FKTN: variants seen among roughly 807,000 people sequenced by gnomAD.
FKTN encodes ribitol-5-phosphate transferase FKTN.
In FKTN, 47 loss-of-function variants were observed where a neutral mutation model predicts 58.6. The ratio of observed to expected loss-of-function variants is 0.80; its 90% CI spans 0.63 to 1.02. FKTN has a LOEUF of 1.02. Among genes scored for constraint, FKTN ranks in the 50% least tolerant of loss-of-function variants. FKTN has a pLI of 0.00. For synonymous variants in FKTN, 178 were observed against 191.9 expected (o/e 0.93, Z 0.60); for missense variants, 516 against 537.3 (o/e 0.96, Z 0.39).
chr9:105,601,094 A>C (rs778182460), intron 4 of FKTN, 51 bp from the exon 5 acceptor site: 1 of 979,396 alleles, frequency 1.0e-6, no homozygotes, highest in Non-Finnish European at 1.6e-6. Flanking sequence ...TATAAAATAG[A>C]CTGTTGTGTT....
intron 6 of FKTN, among the ~76,000 whole-genome samples, chr9:105,605,278 A>G (rs948728170): frequency 6.6e-6 from 1 of 152,160 alleles, no homozygotes; most frequent in Non-Finnish European, 1.5e-5. Context: ...ATGGATTATA[A>G]GACAGTATAT....
intron 7 of FKTN, among the ~76,000 whole-genome samples, chr9:105,614,884 C>CT (rs35592716): frequency 0.14 from 19,702 of 144,578 alleles, 1,491 homozygotes; most frequent in Admixed American, 0.23. Context: ...TCCTTTCTTT[C>CT]TTTTTTTTTT....
At position 105,587,043 on chromosome 9, in the gene FKTN, G is replaced by T. The variant is rs564650756; in HGVS notation, c.106-9555G>T. On this transcript the variant is annotated intron_variant, in intron 3 of 10. Transcript: ENST00000357998. ...GAGTGATAAGATATGAAATGAGATG[G>T]CTTTAAGGAATGCCGTAGCACAACA... 7.2e-5 allele frequency among the ~76,000 whole-genome samples: 11 copies of T among 152,286 alleles called. No individual in the cohort carries two copies. In the East Asian group the frequency reaches 1.5e-3, roughly 21 times the overall value.
intron 1 of FKTN, among the ~76,000 whole-genome samples, chr9:105,570,519 G>A (rs1024269506): frequency 6.6e-6 from 1 of 152,158 alleles, no homozygotes; most frequent in African/African-American, 2.4e-5. Flanking sequence ...GGGGTGGTAA[G>A]GAATGGGGCT....
intron 3 of FKTN, among the ~76,000 whole-genome samples, chr9:105,575,845 G>A (rs1213372797): frequency 2.0e-5 from 3 of 152,140 alleles, no homozygotes; most frequent in African/African-American, 7.2e-5. Context: ...TCCTCAACTA[G>A]AATGGAGTAT....
At position 105,619,954 on chromosome 9, in the gene FKTN, A is replaced by G. The variant is rs751317602; in HGVS notation, c.1065A>G (p.Leu355=). The G allele has an allele frequency of 1.9e-6, 3 of 1,612,364 alleles. No homozygotes were observed. The highest frequency in any genetic ancestry group is 1.3e-5 in the African/African-American group (1 of 74,898). The change falls in exon 10 of 11, where the codon CTA becomes CTG. Residue 355 remains leucine, a synonymous_variant. Transcript: ENST00000357998. ...KFGKVEDSLE[L]SFQGKDDVKL... ...CATAGGTAGAAGACAGCTTGGAACT[A>G]TCCTTCCAGGGAAAAGATGATGTAA... is the stretch of plus-strand genomic sequence containing the variant.
chr9:105,590,919 G>A (rs534550573), intron 3 of FKTN, among the ~76,000 whole-genome samples: 5 of 152,222 alleles, frequency 3.3e-5, no homozygotes, highest in Admixed American at 2.6e-4. Context: ...AGCAGGTGAA[G>A]GGGGAGCCCG....
At chr9:105,589,629 G>A (rs1844501689) in intron 3 of FKTN, among the ~76,000 whole-genome samples, 1 of 152,138 alleles carries the variant, frequency 6.6e-6, no homozygotes, top group South Asian at 2.1e-4. Context: ...ACAGGGAAGA[G>A]AGACTACTGA....
chr9:105,592,764 T>G (rs1230801272), intron 3 of FKTN, among the ~76,000 whole-genome samples: 2 of 151,676 alleles, frequency 1.3e-5, no homozygotes, highest in Admixed American at 1.3e-4. Flanking sequence ...ATAACAAAAG[T>G]GACTTTTTGC....
At chr9:105,576,853 T>C (rs1204876991) in intron 3 of FKTN, among the ~76,000 whole-genome samples, 1 of 96,276 alleles carries the variant, frequency 1.0e-5, no homozygotes, top group East Asian at 2.4e-4. Context: ...TTTTAATGAT[T>C]GCCATTCTAA....
At chr9:105,588,579 C>A (rs938350180) in intron 3 of FKTN, among the ~76,000 whole-genome samples, 14 of 152,166 alleles carry the variant, frequency 9.2e-5, no homozygotes, top group Non-Finnish European at 1.6e-4. Flanking sequence ...GACATATAAG[C>A]AAACAATAAC....
At chr9:105,591,986 G>C (rs1374148018) in intron 3 of FKTN, among the ~76,000 whole-genome samples, 3 of 152,248 alleles carry the variant, frequency 2.0e-5, no homozygotes, top group Non-Finnish European at 4.4e-5. Context: ...CTGGAATGCA[G>C]GGAGCAGTGT....
intron 7 of FKTN, among the ~76,000 whole-genome samples, chr9:105,615,040 C>T (rs1317576818): frequency 1.3e-5 from 2 of 152,078 alleles, no homozygotes; most frequent in African/African-American, 4.8e-5. Context: ...CGGGCCACCA[C>T]TCTCAGCTAA....
rs189927779 is a variant in FKTN, at chr9:105,635,108, T to C, written c.1230T>C (p.His410=). The change falls in exon 11 of 11, where the codon CAT becomes CAC. Residue 410 remains histidine (H), a synonymous_variant. Transcript: ENST00000357998. ...CTGAGTTTGTAGACATGAAGGTCCATGTACCCTGTGAAACCCTCGAATACA... is the reference window on the plus strand; with the variant it reads ...CTGAGTTTGTAGACATGAAGGTCCACGTACCCTGTGAAACCCTCGAATACA... ...CWTEFVDMKV[H]VPCETLEYIE... 11 of 1,614,162 alleles carry C rather than the reference T, an allele frequency of 6.8e-6. No individual in the cohort carries two copies. In the East Asian group the frequency reaches 2.2e-4, roughly 33 times the overall value.
intron 10 of FKTN, among the ~76,000 whole-genome samples, chr9:105,625,017 T>C (rs568016220): frequency 6.6e-6 from 1 of 152,310 alleles, no homozygotes; most frequent in South Asian, 2.1e-4. Context: ...CCTGATTCAG[T>C]GCTTGGCACG....
At chr9:105,627,224 G>T (rs1034584091) in intron 10 of FKTN, among the ~76,000 whole-genome samples, 1 of 151,838 alleles carries the variant, frequency 6.6e-6, no homozygotes, top group Admixed American at 6.6e-5. Flanking sequence ...TGCCCTCCTC[G>T]GCCTCCTAAA....
intron 10 of FKTN, among the ~76,000 whole-genome samples, chr9:105,625,846 A>G (rs1276509511): frequency 6.6e-6 from 1 of 152,132 alleles, no homozygotes. Flanking sequence ...TAAAAAAAAA[A>G]AAGTATTTGT....
At chr9:105,599,391 A>G (rs1334645512) in intron 4 of FKTN, among the ~76,000 whole-genome samples, 2 of 151,388 alleles carry the variant, frequency 1.3e-5, no homozygotes, top group South Asian at 2.1e-4. Flanking sequence ...TTGATTTTCT[A>G]ATATTTTATT....
At chr9:105,629,877 G>C (rs1833190673) in intron 10 of FKTN, among the ~76,000 whole-genome samples, 2 of 152,142 alleles carry the variant, frequency 1.3e-5, no homozygotes, top group African/African-American at 2.4e-5. Context: ...AAAAGGACAA[G>C]TTCATGTCCT....
Sources: gnomAD v4.1 joint callset for allele counts (sites outside exome capture counted in the v4.1 genomes callset) on GRCh38, gnomAD v4.1.1 for gene constraint, MANE v1.5 for transcripts, NCBI Gene and HGNC (gene_info 2026-07-23, HGNC 2026-07-21) for gene names.